The following HTRA1 variants were observed in gnomAD, a reference collection of about 807,000 sequenced individuals.
The protein encoded by HTRA1 is HtrA serine peptidase 1.
In HTRA1, 26 loss-of-function variants were observed where a neutral mutation model predicts 49.7. That is an observed-to-expected ratio of 0.52 (90% CI 0.38 to 0.73). HTRA1 has a LOEUF of 0.73. HTRA1 is among the 30% of genes least tolerant of loss of function. HTRA1 has a pLI of 0.00. For synonymous variants in HTRA1, 291 were observed against 286.9 expected, an observed-to-expected ratio of 1.01 and a Z score of -0.14; for missense variants, 561 against 667.2, an observed-to-expected ratio of 0.84 and a Z score of 1.75.
At chr10:122,481,185 C>G (rs1165014436) in intron 1 of HTRA1, among the ~76,000 whole-genome samples, 1 of 152,186 alleles carries the variant, frequency 6.6e-6, no homozygotes, top group Non-Finnish European at 1.5e-5. Context: ...AACCTCTGGC[C>G]TGCACCAGGG....
At chr10:122,510,291 G>A (rs1293094911) in intron 7 of HTRA1, 138 bp downstream of exon 7, 14 of 755,274 alleles carry the variant, frequency 1.9e-5, no homozygotes, top group African/African-American at 3.4e-5. Context: ...AAGTAGCATC[G>A]GGAAAGAGGA....
intron 1 of HTRA1, among the ~76,000 whole-genome samples, chr10:122,483,757 G>A (rs887496820): frequency 1.3e-5 from 2 of 152,058 alleles, no homozygotes; most frequent in Non-Finnish European, 2.9e-5. Context: ...TTTTGATAGC[G>A]TTTTGTAGCT....
chr10:122,507,419 CTA>C lies in HTRA1; in HGVS notation c.1005+19_1005+20del. The C allele has an allele frequency of 6.3e-7, 1 of 1,586,148 alleles. No homozygotes were observed. The highest frequency in any genetic ancestry group is 1.3e-5 in the African/African-American group (1 of 74,378). On this transcript the variant is annotated intron_variant, in intron 5 of 8. Coordinates refer to ENST00000368984, the MANE Select transcript of HTRA1 (RefSeq NM_002775.5). ...GTAAACCTGGTAAGGTCTTTTAAAC[CTA>C]TGTTAGGTCATTTGTTTTTATCTAT...
chr10:122,493,370 T>C lies in HTRA1; in HGVS notation c.777+3744T>C, dbSNP rs1198989148. 4.6e-5 allele frequency among the ~76,000 whole-genome samples: 7 copies of C among 152,204 alleles called. No individual in the cohort carries two copies. In the East Asian group the frequency reaches 1.2e-3, roughly 25 times the overall value. The stretch of plus-strand genomic sequence containing the variant: ...GACAGTGTGCGTGTAAACATGTTAA[T>C]AGAAAGCAGCTTTGAGGGCAGACTA... On this transcript the variant is annotated intron_variant, in intron 3 of 8. Coordinates refer to ENST00000368984, the MANE Select transcript of HTRA1 (RefSeq NM_002775.5).
At chr10:122,468,962 C>T (rs933744762) in intron 1 of HTRA1, among the ~76,000 whole-genome samples, 3 of 152,136 alleles carry the variant, frequency 2.0e-5, no homozygotes, top group Non-Finnish European at 1.5e-5. Flanking sequence ...GACAAATTGT[C>T]GAATAAGCAC....
chr10:122,514,779 T>C lies in HTRA1; in HGVS notation c.*420T>C, dbSNP rs1391683890. On this transcript the variant is annotated 3_prime_UTR_variant, in exon 9 of 9. Transcript: ENST00000368984. Reference sequence around the variant, plus strand: ...CTCCAAGTCAGCACCCAAAGGTCAATGCACAGAGACCCCGGGTGGGTGAGC... The same window carrying C: ...CTCCAAGTCAGCACCCAAAGGTCAACGCACAGAGACCCCGGGTGGGTGAGC... The C allele has an allele frequency of 7.8e-6, 2 of 256,640 alleles. No homozygotes were observed. The highest frequency in any genetic ancestry group is 1.5e-5 in the Non-Finnish European group (2 of 130,790). The allele number at this position is 256,640 out of a possible 1,614,324, so 15.9% of individuals were successfully genotyped here. A position where few individuals can be genotyped will look rare whatever the true frequency, so the allele number is the denominator to read the frequency against.
chr10:122,481,095 A>AT (rs1434256718), intron 1 of HTRA1, among the ~76,000 whole-genome samples: 1 of 152,010 alleles, frequency 6.6e-6, no homozygotes, highest in Non-Finnish European at 1.5e-5. Flanking sequence ...ATAATTTATT[A>AT]TTACTTTTAT....
At chr10:122,488,060 C>G (rs1159252838) in intron 1 of HTRA1, among the ~76,000 whole-genome samples, 1 of 152,160 alleles carries the variant, frequency 6.6e-6, no homozygotes, top group Non-Finnish European at 1.5e-5. Context: ...ACGATGGCCT[C>G]AGCTTGCCTT....
At chr10:122,498,398 G>C (rs1008553104) in intron 3 of HTRA1, among the ~76,000 whole-genome samples, 6 of 152,168 alleles carry the variant, frequency 3.9e-5, no homozygotes, top group Non-Finnish European at 8.8e-5. Flanking sequence ...CCATCTGGCA[G>C]ATCCTTCCTG....
At chr10:122,488,194 G>A (rs2133437806) in intron 1 of HTRA1, among the ~76,000 whole-genome samples, 1 of 152,262 alleles carries the variant, frequency 6.6e-6, no homozygotes, top group South Asian at 2.1e-4. Context: ...CTCCTGCGGT[G>A]TTTCTCAGGA....
chr10:122,486,779 C>T (rs1414842671), intron 1 of HTRA1, among the ~76,000 whole-genome samples: 1 of 151,580 alleles, frequency 6.6e-6, no homozygotes, highest in Non-Finnish European at 1.5e-5. Context: ...TGTATGTGTG[C>T]ATTTGCATGT....
At chr10:122,465,864 C>T (rs2097483554) in intron 1 of HTRA1, among the ~76,000 whole-genome samples, 1 of 152,226 alleles carries the variant, frequency 6.6e-6, no homozygotes, top group Admixed American at 6.5e-5. Context: ...TCTGCTAAAA[C>T]ATGGACAAGA....
chr10:122,489,422 G>C lies in HTRA1; in HGVS notation c.573G>C (p.Lys191Asn), dbSNP rs1051760290. The change falls in exon 3 of 9, where the codon AAG (lysine) becomes AAC (asparagine). Residue 191 changes from lysine to asparagine, a missense_variant and splice_region_variant. Lys to Asn is a moderately conservative substitution (Grantham distance 94). Transcript: ENST00000368984. ...PAVVHIELFR[K>N]LPFSKREVPV... ...AAGTGTGTACTCCTTTGGATTTTAG[G>C]CTTCCGTTTTCTAAACGAGAGGTGC... 1.1e-5 allele frequency: 17 copies of C among 1,613,928 alleles called. No homozygotes were observed. The highest frequency in any genetic ancestry group is 2.2e-5 in the East Asian group (1 of 44,882).
chr10:122,479,331 G>T (rs768830403), intron 1 of HTRA1, among the ~76,000 whole-genome samples: 7 of 152,142 alleles, frequency 4.6e-5, no homozygotes, highest in Non-Finnish European at 1.0e-4. Context: ...CAGACAGATG[G>T]GGTTAGGCTC....
chr10:122,499,529 A>G (rs949682505), intron 3 of HTRA1, among the ~76,000 whole-genome samples: 1 of 152,132 alleles, frequency 6.6e-6, no homozygotes, highest in Non-Finnish European at 1.5e-5. Flanking sequence ...TCTTTGGTTC[A>G]TCTGAGTCCA....
Position 122,464,728 on chromosome 10 carries a change from C to A in HTRA1, c.472+2604C>A, listed in dbSNP as rs1026462849. On this transcript the variant is annotated intron_variant, in intron 1 of 8. Coordinates refer to ENST00000368984, the MANE Select transcript of HTRA1 (RefSeq NM_002775.5). This position sits in a 1 kb window ranked among gnomAD's most constrained non-coding sequence, Gnocchi z 4.8. ...GCCAGCAGACTTCATTCAGTCCAAG[C>A]CAGGCTCCAGGACTCAACAGCTGGT... 6.6e-6 allele frequency among the ~76,000 whole-genome samples: 1 copy of A among 152,222 alleles called. No individual in the cohort carries two copies. Among genetic ancestry groups the A allele is most frequent in the Non-Finnish European group, 1.5e-5 (1 of 68,040 alleles).
chr10:122,514,613 G>A lies in HTRA1; in HGVS notation c.*254G>A. 1 of 492,326 alleles carries A rather than the reference G, an allele frequency of 2.0e-6. No individual in the cohort carries two copies. The highest frequency in any genetic ancestry group is 3.2e-5 in the Admixed American group (1 of 30,988). 30.5% of individuals were successfully genotyped at this position (492,326 alleles called of 1,614,324 possible). On this transcript the variant is annotated 3_prime_UTR_variant, in exon 9 of 9. Transcript: ENST00000368984. ...AGTGTGCTTTTTCTTGCCAGCTTGGGCCATTCTTGCTTAGACAGTCAGCAT... is the reference window on the plus strand; with the variant it reads ...AGTGTGCTTTTTCTTGCCAGCTTGGACCATTCTTGCTTAGACAGTCAGCAT...
chr10:122,470,812 A>C (rs377246792), intron 1 of HTRA1, among the ~76,000 whole-genome samples: 1 of 152,122 alleles, frequency 6.6e-6, no homozygotes, highest in African/African-American at 2.4e-5. Flanking sequence ...AACACCAAGA[A>C]TAGTGAAGCC....
chr10:122,501,533 C>A (rs1220799052), intron 3 of HTRA1, among the ~76,000 whole-genome samples: 6 of 152,166 alleles, frequency 3.9e-5, no homozygotes, highest in Admixed American at 3.3e-4. Flanking sequence ...CACCCTCCAA[C>A]TTCCTTCCCT....
Sources: gnomAD v4.1 joint callset for allele counts (sites outside exome capture counted in the v4.1 genomes callset) on GRCh38, gnomAD v4.1.1 for gene constraint, Gnocchi (gnomAD v3.1) non-coding constraint, MANE v1.5 for transcripts, NCBI Gene and HGNC (gene_info 2026-07-23, HGNC 2026-07-21) for gene names.